XRCC4: variants seen among roughly 807,000 people sequenced by gnomAD.
XRCC4 encodes the protein DNA repair protein XRCC4.
XRCC4 carries 28 observed loss-of-function variants against 39.1 expected under a neutral mutation model. The observed-to-expected ratio is 0.72, with a 90% confidence interval of 0.53 to 0.98. XRCC4 has a LOEUF of 0.98. Ranked by LOEUF, XRCC4 falls within the 50% of genes least tolerant of loss-of-function variation. XRCC4 has a pLI of 0.00. For missense variants in XRCC4, 350 were observed against 376.4 expected (o/e 0.93, Z 0.58); for synonymous variants, 123 against 126.4 (o/e 0.97, Z 0.18).
chr5:83,256,807 A>G (rs1753558431), intron 6 of XRCC4, among the ~76,000 whole-genome samples: 1 of 152,162 alleles, frequency 6.6e-6, no homozygotes, highest in African/African-American at 2.4e-5. Context: ...CTAGGAAAAA[A>G]TATTTTTTAA....
chr5:83,369,664 G>A, the XRCC4 span, among the ~76,000 whole-genome samples: 1 of 152,194 alleles, frequency 6.6e-6, no homozygotes, highest in Non-Finnish European at 1.5e-5. Flanking sequence ...TGGGCACCTG[G>A]GTTGATGCCA....
chr5:83,250,547 G>C (rs1580424141), intron 6 of XRCC4, among the ~76,000 whole-genome samples: 1 of 152,162 alleles, frequency 6.6e-6, no homozygotes. Flanking sequence ...ATAAATATTA[G>C]ATAAATTATT....
chr5:83,232,610 CTAAA>C (rs1283407598), intron 6 of XRCC4, among the ~76,000 whole-genome samples: 1 of 152,054 alleles, frequency 6.6e-6, no homozygotes, highest in Non-Finnish European at 1.5e-5. Flanking sequence ...TGATGAAGAA[CTAAA>C]TACTGTGAAA....
At chr5:83,202,322 G>C (rs186491652) in intron 4 of XRCC4, among the ~76,000 whole-genome samples, 11 of 152,312 alleles carry the variant, frequency 7.2e-5, no homozygotes, top group Admixed American at 7.2e-4. Flanking sequence ...TGGGCACTGA[G>C]GATACAGTGG....
chr5:83,186,796 A>G (rs1750458599), intron 3 of XRCC4, among the ~76,000 whole-genome samples: 1 of 152,216 alleles, frequency 6.6e-6, no homozygotes. Flanking sequence ...CTTCTGTGGC[A>G]TAAAAGTTCA....
At chr5:83,107,832 A>C (rs1746270143) in intron 2 of XRCC4, among the ~76,000 whole-genome samples, 1 of 151,930 alleles carries the variant, frequency 6.6e-6, no homozygotes, top group Admixed American at 6.6e-5. Flanking sequence ...GACAGAACTC[A>C]GTGGAAAGAG....
chr5:83,239,760 C>T (rs1047873299), intron 6 of XRCC4, among the ~76,000 whole-genome samples: 2 of 151,352 alleles, frequency 1.3e-5, no homozygotes, highest in African/African-American at 2.4e-5. Flanking sequence ...ACCCAGGAGG[C>T]GGAGCTTGCA....
intron 3 of XRCC4, among the ~76,000 whole-genome samples, chr5:83,195,017 T>C (rs1375530370): frequency 6.6e-6 from 1 of 152,080 alleles, no homozygotes; most frequent in East Asian, 1.9e-4. Context: ...TTATCTGTTA[T>C]AATAATTTTA....
intron 3 of XRCC4, among the ~76,000 whole-genome samples, chr5:83,132,673 C>T (rs550199413): frequency 1.2e-3 from 189 of 152,138 alleles, no homozygotes; most frequent in African/African-American, 4.3e-3. Context: ...TTGATTGAAT[C>T]GGCCACTGAA....
chr5:83,158,628 G>A (rs1050888670), intron 3 of XRCC4, among the ~76,000 whole-genome samples: 6 of 152,024 alleles, frequency 3.9e-5, no homozygotes, highest in African/African-American at 9.7e-5. Flanking sequence ...TTGAGGTTAG[G>A]CTTTCAAGAT....
chr5:83,137,194 A>C (rs1747941428), intron 3 of XRCC4, among the ~76,000 whole-genome samples: 1 of 152,232 alleles, frequency 6.6e-6, no homozygotes. Flanking sequence ...GATCATGATG[A>C]TGGCACGTAA....
intron 3 of XRCC4, among the ~76,000 whole-genome samples, chr5:83,142,456 C>T (rs1460218097): frequency 6.6e-6 from 1 of 152,168 alleles, no homozygotes; most frequent in Admixed American, 6.5e-5. Context: ...TATATCATGT[C>T]TTTTACTTTT....
chr5:83,193,355 T>C (rs1009569418), intron 3 of XRCC4, among the ~76,000 whole-genome samples: 8 of 152,240 alleles, frequency 5.3e-5, no homozygotes, highest in South Asian at 2.1e-4. Flanking sequence ...TTATTTTTAT[T>C]CTGTAGAATA....
At chr5:83,111,566 TCAATCAA>T (rs5869163) in intron 3 of XRCC4, among the ~76,000 whole-genome samples, 84,817 of 151,070 alleles carry the variant, frequency 0.56, 24,294 homozygotes, top group African/African-American at 0.69. Flanking sequence ...AGAAATAAAA[TCAATCAA>T]AATATATCTT....
At chr5:83,114,051 A>G (rs911797050) in intron 3 of XRCC4, among the ~76,000 whole-genome samples, 1 of 152,210 alleles carries the variant, frequency 6.6e-6, no homozygotes, top group Non-Finnish European at 1.5e-5. Flanking sequence ...TACCCTCTGA[A>G]GCAAGGCCCG....
intron 6 of XRCC4, among the ~76,000 whole-genome samples, chr5:83,254,269 C>G (rs138349668): frequency 6.6e-6 from 1 of 152,082 alleles, no homozygotes; most frequent in Non-Finnish European, 1.5e-5. Context: ...TGAAAACTTG[C>G]AAGCTGATTT....
At chr5:83,235,325 ACC>A (rs1752644303) in intron 6 of XRCC4, among the ~76,000 whole-genome samples, 1 of 130,662 alleles carries the variant, frequency 7.7e-6, no homozygotes, top group East Asian at 2.5e-4. Context: ...ACAGATCAAG[ACC>A]CTATCTCAAA....
At chr5:83,332,302 A>C (rs1277328229) in intron 7 of XRCC4, among the ~76,000 whole-genome samples, 2 of 151,518 alleles carry the variant, frequency 1.3e-5, no homozygotes, top group Admixed American at 6.6e-5. Flanking sequence ...GACCACTTGC[A>C]CTGTGTCTGG....
At chr5:83,250,607 C>T (rs1753270355) in intron 6 of XRCC4, among the ~76,000 whole-genome samples, 1 of 152,104 alleles carries the variant, frequency 6.6e-6, no homozygotes. Flanking sequence ...AAAAGTTCTA[C>T]CCAAAAAGGT....
Sources: gnomAD v4.1 joint callset for allele counts (sites outside exome capture counted in the v4.1 genomes callset) on GRCh38, gnomAD v4.1.1 for gene constraint, MANE v1.5 for transcripts, NCBI Gene and HGNC (gene_info 2026-07-23, HGNC 2026-07-21) for gene names.